The following GRIN2D variants were observed in gnomAD, a reference collection of about 807,000 sequenced individuals.
GRIN2D encodes the protein glutamate ionotropic receptor NMDA type subunit 2D, also known as glutamate receptor ionotropic, NMDA 2D.
In GRIN2D, 37 loss-of-function variants were observed where a neutral mutation model predicts 103.2. The observed-to-expected ratio is 0.36, with a 90% CI of 0.28 to 0.47. GRIN2D has a LOEUF of 0.47. GRIN2D is among the 20% of genes least tolerant of loss of function. The pLI is 1.00. For synonymous variants in GRIN2D, 845 were observed against 885.6 expected (o/e 0.95, Z 0.81); for missense variants, 1,557 against 1,910.6 (o/e 0.81, Z 3.45).
At chr19:48,440,418 C>A (rs545090750) in intron 11 of GRIN2D, among the ~76,000 whole-genome samples, 1 of 151,982 alleles carries the variant, frequency 6.6e-6, no homozygotes, top group Admixed American at 6.6e-5. Context: ...CATGGAAAAA[C>A]CCTGTCTCTA....
chr19:48,411,626 G>T (rs992600781), intron 4 of GRIN2D, among the ~76,000 whole-genome samples: 2 of 151,816 alleles, frequency 1.3e-5, no homozygotes, highest in Admixed American at 6.6e-5. Flanking sequence ...TCCAGCCTAG[G>T]TGACAGAGCA....
chr19:48,433,877 C>T (rs1332105395), intron 11 of GRIN2D, among the ~76,000 whole-genome samples: 1 of 152,022 alleles, frequency 6.6e-6, no homozygotes, highest in African/African-American at 2.4e-5. Flanking sequence ...AATCCTACTT[C>T]TCAGCTCCAG....
At chr19:48,420,756 G>A (rs1024966578) in intron 10 of GRIN2D, among the ~76,000 whole-genome samples, 1 of 152,130 alleles carries the variant, frequency 6.6e-6, no homozygotes, top group African/African-American at 2.4e-5. Flanking sequence ...AACCCGGGAG[G>A]CGGAGGTTAC....
chr19:48,442,462 T>C lies in GRIN2D; in HGVS notation c.2673+80T>C. Reference sequence around the variant, plus strand: ...GTAAAGCCGAGCAGAGACAAGGAGATGTGGGTCGAGATGTGGATAGTGGGG... The same window carrying C: ...GTAAAGCCGAGCAGAGACAAGGAGACGTGGGTCGAGATGTGGATAGTGGGG... On this transcript the variant is annotated intron_variant, in intron 13 of 13. Coordinates refer to ENST00000263269, the MANE Select transcript of GRIN2D (RefSeq NM_000836.4). This position sits in a 1 kb window ranked among gnomAD's most constrained non-coding sequence, Gnocchi z 7.2. 6.5e-7 allele frequency: 1 copy of C among 1,541,910 alleles called. No homozygotes were observed. Among genetic ancestry groups the C allele is most frequent in the Non-Finnish European group, 8.8e-7 (1 of 1,138,004 alleles).
chr19:48,419,186 G>T, intron 8 of GRIN2D, 48 bp from the exon 9 acceptor site: 1 of 1,572,210 alleles, frequency 6.4e-7, no homozygotes, highest in South Asian at 1.1e-5. Flanking sequence ...CCTGATCCCC[G>T]AGTCTTTTGC....
At position 48,393,794 on chromosome 19, in the gene GRIN2D, G is replaced by A. The variant is rs1318937826; in HGVS notation, c.-380G>A. ...CCTCCCGCAGCCTCCCTCGGCCACCGGTGCCTGCTGGGGGTGTTGCCTGGG... is the reference window on the plus strand; with the variant it reads ...CCTCCCGCAGCCTCCCTCGGCCACCAGTGCCTGCTGGGGGTGTTGCCTGGG... On this transcript the variant is annotated 5_prime_UTR_variant, in exon 1 of 14. Coordinates refer to ENST00000263269, the MANE Select transcript of GRIN2D (RefSeq NM_000836.4). This position sits in a 1 kb window ranked among gnomAD's most constrained non-coding sequence, Gnocchi z 5.6. Among the ~76,000 whole-genome samples, 1 of 152,144 alleles carries A rather than the reference G, an allele frequency of 6.6e-6. No individual in the cohort carries two copies. The highest frequency in any genetic ancestry group is 1.5e-5 in the Non-Finnish European group (1 of 68,024).
Position 48,441,938 on chromosome 19 carries a change from C to T in GRIN2D, c.2422C>T (p.Leu808=). The change falls in exon 12 of 14, where the codon CTG becomes TTG. Residue 808 remains leucine (L), a synonymous_variant. Coordinates refer to ENST00000263269, the MANE Select transcript of GRIN2D (RefSeq NM_000836.4). The stretch of plus-strand genomic sequence containing the variant: ...GAAGCGGCCCATCGACCTGGCGTTG[C>T]TGCAGTTCCTGGGGGATGGTGCGGC... ...RWKRPIDLAL[L]QFLGDDEIEM... The T allele has an allele frequency of 6.2e-7, 1 of 1,607,772 alleles. No individual in the cohort carries two copies. Among genetic ancestry groups the T allele is most frequent in the Non-Finnish European group, 8.5e-7 (1 of 1,178,220 alleles).
chr19:48,394,250 G>A lies in GRIN2D; in HGVS notation c.-306+382G>A, dbSNP rs575038578. The stretch of plus-strand genomic sequence containing the variant: ...GGTGTTGAGGGGGAATCCCAGGGAA[G>A]TGAGATCGTGCGTGTGTGCGTGAGT... On this transcript the variant is annotated intron_variant, in intron 1 of 13. Transcript: ENST00000263269. This position sits in a 1 kb window ranked among gnomAD's most constrained non-coding sequence, Gnocchi z 5.1. Among the ~76,000 whole-genome samples the A allele has an allele frequency of 1.3e-5, 2 of 152,070 alleles. No homozygotes were observed. The highest frequency in any genetic ancestry group is 2.9e-5 in the Non-Finnish European group (2 of 67,980).
Position 48,419,589 on chromosome 19 carries a change from T to C in GRIN2D, c.1866T>C (p.Pro622=), listed in dbSNP as rs1970992500. 1.2e-6 allele frequency: 2 copies of C among 1,611,288 alleles called. No individual in the cohort carries two copies. Among genetic ancestry groups the C allele is most frequent in the Middle Eastern group, 3.3e-4 (2 of 6,052 alleles). The change falls in exon 10 of 14, where the codon CCT becomes CCC. Residue 622 remains proline, a synonymous_variant. Transcript: ENST00000263269. ...CCACGTCCTGGCCCCCTGCAGGCCC[T>C]GGCGGTTCAACCTTCACCATTGGGA... ...YNRSLATGKR[P]GGSTFTIGKS...
intron 3 of GRIN2D, among the ~76,000 whole-genome samples, chr19:48,399,979 C>T (rs1970690177): frequency 6.6e-6 from 1 of 151,918 alleles, no homozygotes; most frequent in African/African-American, 2.4e-5. Context: ...AGGGGCATAC[C>T]CCGCTGTGAG....
chr19:48,400,728 A>G (rs1333639464), intron 3 of GRIN2D, among the ~76,000 whole-genome samples: 2 of 152,012 alleles, frequency 1.3e-5, no homozygotes, highest in African/African-American at 4.8e-5. Flanking sequence ...CCCTCAGCAC[A>G]CCTCCACCTG....
At position 48,394,779 on chromosome 19, in the gene GRIN2D, G is replaced by C. The variant is rs554385623; in HGVS notation, c.-184G>C. On this transcript the variant is annotated 5_prime_UTR_variant, in exon 2 of 14. Transcript: ENST00000263269. This position sits in a 1 kb window ranked among gnomAD's most constrained non-coding sequence, Gnocchi z 5.1. ...GGAGCCAGGGACAGACAGGAGGTCC[G>C]GGCTGCCGCTGCTGCCGCCACCACC... 1.3e-5 allele frequency: 2 copies of C among 155,676 alleles called. No homozygotes were observed. Among genetic ancestry groups the C allele is most frequent in the African/African-American group, 4.8e-5 (2 of 41,466 alleles). 9.6% of individuals were successfully genotyped at this position (155,676 alleles called of 1,614,324 possible). A position where few individuals can be genotyped will look rare whatever the true frequency, so the allele number is the denominator to read the frequency against.
In GRIN2D at chr19:48,404,592, T is replaced by A. The variant is rs911756911; in HGVS notation, c.466-142T>A. ...GCTAAACCTAATCCAGATCTAGCCC[T>A]GTGCCCCAGGAGGAAAAGGAGATGG... On this transcript the variant is annotated intron_variant, in intron 3 of 13. Transcript: ENST00000263269. 4 of 745,530 alleles carry A rather than the reference T, an allele frequency of 5.4e-6. No individual in the cohort carries two copies. The Admixed American group carries it at 8.8e-5, about 16-fold the overall frequency. The allele number at this position is 745,530 out of a possible 1,614,324, so 46.2% of individuals were successfully genotyped here.
At chr19:48,436,453 C>T (rs564528831) in intron 11 of GRIN2D, among the ~76,000 whole-genome samples, 30 of 152,234 alleles carry the variant, frequency 2.0e-4, no homozygotes, top group African/African-American at 7.0e-4. Context: ...GATGTCATCC[C>T]CAGGAGCAAT....
chr19:48,418,811 G>T (rs953078263), intron 8 of GRIN2D, among the ~76,000 whole-genome samples: 1 of 152,120 alleles, frequency 6.6e-6, no homozygotes, highest in Non-Finnish European at 1.5e-5. Flanking sequence ...GTAGGTGGAG[G>T]CTTGGGCCTG....
chr19:48,421,728 T>C lies in GRIN2D; in HGVS notation c.2092-57T>C. 6.8e-7 allele frequency: 1 copy of C among 1,478,268 alleles called. No individual in the cohort carries two copies. The highest frequency in any genetic ancestry group is 1.2e-5 in the South Asian group (1 of 85,322). The allele number at this position is 1,478,268 out of a possible 1,614,324, so 91.6% of individuals were successfully genotyped here. Reference sequence around the variant, plus strand: ...AGCGGGTGTGTCTCAGAATGGGTGATTTATGTTAGGGATGTCCCTGCGGAG... The same window carrying C: ...AGCGGGTGTGTCTCAGAATGGGTGACTTATGTTAGGGATGTCCCTGCGGAG... On this transcript the variant is annotated intron_variant, in intron 10 of 13. Transcript: ENST00000263269. This position sits in a 1 kb window ranked among gnomAD's most constrained non-coding sequence, Gnocchi z 4.8.
At chr19:48,437,501 A>C (rs1283567748) in intron 11 of GRIN2D, among the ~76,000 whole-genome samples, 1 of 152,156 alleles carries the variant, frequency 6.6e-6, no homozygotes, top group East Asian at 1.9e-4. Flanking sequence ...TCCCAGAAAA[A>C]CTGAGCAAAC....
In GRIN2D at chr19:48,444,012, AC is replaced by A; in HGVS notation, c.*78del. ...CGAGGGGGCGCCCGCAGTGGACAGG[AC>A]CCGCGTGGGTTGGGAAGGAAAGCAG... On this transcript the variant is annotated 3_prime_UTR_variant, in exon 14 of 14. Coordinates refer to ENST00000263269, the MANE Select transcript of GRIN2D (RefSeq NM_000836.4). The surrounding 1 kb of genome is among the most constrained non-coding windows in gnomAD (Gnocchi z 5.5). The A allele has an allele frequency of 1.0e-6, 1 of 989,330 alleles. No homozygotes were observed. The highest frequency in any genetic ancestry group is 1.4e-6 in the Non-Finnish European group (1 of 736,914). 61.3% of individuals were successfully genotyped at this position (989,330 alleles called of 1,614,324 possible).
chr19:48,398,333 T>C, intron 2 of GRIN2D, 34 bp from the exon 3 acceptor site: 2 of 933,862 alleles, frequency 2.1e-6, no homozygotes, highest in Non-Finnish European at 2.6e-6. Context: ...TGTGCCTCCC[T>C]CTCCTCCCCG....
Sources: allele counts gnomAD v4.1 joint callset (sites outside exome capture counted in the v4.1 genomes callset), GRCh38; gene constraint gnomAD v4.1.1; non-coding constraint Gnocchi (gnomAD v3.1); transcripts MANE v1.5; gene names NCBI Gene and HGNC (gene_info 2026-07-23, HGNC 2026-07-21).